Variants in CELF2 observed in about 807,000 individuals in gnomAD.
CELF2 encodes CUG triplet repeat RNA-binding protein 2.
Under a neutral mutation model 62.6 loss-of-function variants are expected in CELF2, and 8 were observed. That is an observed-to-expected ratio of 0.13 (90% CI 0.07 to 0.23). The LOEUF (loss-of-function observed/expected upper bound fraction) is 0.23, where lower values mean the gene tolerates loss of function less well. CELF2 is among the 10% of genes least tolerant of loss of function. The pLI is 1.00. For missense variants in CELF2, 333 were observed against 671.0 expected, an observed-to-expected ratio of 0.50 and a Z score of 5.56; for synonymous variants, 258 against 250.0, an observed-to-expected ratio of 1.03 and a Z score of -0.30.
chr10:11,027,391 A>G (rs1326726900), intron 1 of CELF2, among the ~76,000 whole-genome samples: 2 of 151,958 alleles, frequency 1.3e-5, no homozygotes, highest in Non-Finnish European at 2.9e-5. Flanking sequence ...AGCGCTTGGG[A>G]ATGCATTTTT....
chr10:10,837,165 G>A (rs535242001), intron 1 of CELF2, among the ~76,000 whole-genome samples: 4 of 152,276 alleles, frequency 2.6e-5, no homozygotes, highest in African/African-American at 4.8e-5. Flanking sequence ...ATTCCCACAC[G>A]TTGTGGGAGG....
At chr10:11,238,923 A>C (rs74115801) in intron 3 of CELF2, among the ~76,000 whole-genome samples, 5,924 of 152,304 alleles carry the variant, frequency 0.039, 338 homozygotes, top group East Asian at 0.24. Flanking sequence ...ATTATTTAGT[A>C]TGAAAACACA....
chr10:10,745,722 T>C, the CELF2 span, among the ~76,000 whole-genome samples: 1 of 152,204 alleles, frequency 6.6e-6, no homozygotes, highest in African/African-American at 2.4e-5. Context: ...GGGTGACCCC[T>C]CTAAAATGAC....
chr10:10,876,637 G>A (rs563509157), intron 1 of CELF2, among the ~76,000 whole-genome samples: 17 of 152,254 alleles, frequency 1.1e-4, no homozygotes, highest in African/African-American at 2.9e-4. Context: ...GATGTGCAAC[G>A]TCAAAATGCC....
At chr10:11,142,536 T>A (rs2061521828) in intron 1 of CELF2, among the ~76,000 whole-genome samples, 1 of 151,742 alleles carries the variant, frequency 6.6e-6, no homozygotes, top group Non-Finnish European at 1.5e-5. Flanking sequence ...TACAAAAAAA[T>A]TAGCATGGCA....
chr10:10,620,695 G>A, the CELF2 span, among the ~76,000 whole-genome samples: 2 of 151,804 alleles, frequency 1.3e-5, no homozygotes, highest in African/African-American at 2.4e-5. Flanking sequence ...GAGGTCAGGA[G>A]ATTGAGACTA....
At chr10:11,252,722 C>T (rs990678504) in intron 4 of CELF2, among the ~76,000 whole-genome samples, 3 of 152,122 alleles carry the variant, frequency 2.0e-5, no homozygotes, top group East Asian at 1.9e-4. Context: ...TGGAAGCTCG[C>T]GGCATCGTGT....
the CELF2 span, among the ~76,000 whole-genome samples, chr10:10,509,773 G>C: frequency 6.6e-6 from 1 of 152,180 alleles, no homozygotes; most frequent in Non-Finnish European, 1.5e-5. Context: ...TGGTGCAGTT[G>C]TGGAAAACTG....
chr10:10,547,238 A>G, the CELF2 span, among the ~76,000 whole-genome samples: 1 of 152,094 alleles, frequency 6.6e-6, no homozygotes, highest in Non-Finnish European at 1.5e-5. Flanking sequence ...ATCCATGACA[A>G]ATTCCTCACT....
chr10:11,154,195 G>T (rs1290178020), intron 1 of CELF2, among the ~76,000 whole-genome samples: 4 of 152,146 alleles, frequency 2.6e-5, no homozygotes, highest in South Asian at 2.1e-4. Context: ...TGTTTAGGGG[G>T]TTATATCTGA....
At position 11,039,945 on chromosome 10, in the gene CELF2, G is replaced by A. The variant is rs1447165269; in HGVS notation, c.74+21782G>A. Among the ~76,000 whole-genome samples, 1 of 152,136 alleles carries A rather than the reference G, an allele frequency of 6.6e-6. No homozygotes were observed. The highest frequency in any genetic ancestry group is 2.4e-5 in the African/African-American group (1 of 41,424). On this transcript the variant is annotated intron_variant, in intron 1 of 12. Coordinates refer to ENST00000633077, the MANE Select transcript of CELF2 (RefSeq NM_001326342.2). This position sits in a 1 kb window ranked among gnomAD's most constrained non-coding sequence, Gnocchi z 4.1. Reference sequence around the variant, plus strand: ...ATATTATTTACAAAAACCATCCCAAGGACTGAGAGCAAAATGTATTGATTA... The same window carrying A: ...ATATTATTTACAAAAACCATCCCAAAGACTGAGAGCAAAATGTATTGATTA...
chr10:11,275,157 T>G lies in CELF2; in HGVS notation c.841+37T>G, dbSNP rs200955782. The G allele has an allele frequency of 5.6e-6, 9 of 1,607,982 alleles. No individual in the cohort carries two copies. The African/African-American group carries it at 1.1e-4, about 19-fold the overall frequency. ...AGCACGCCTCTCCTTTTGACCGTGC[T>G]ATTGTCAGAATTTGGGGTTGGTTCC... On this transcript the variant is annotated intron_variant, in intron 8 of 12. Coordinates refer to ENST00000633077, the MANE Select transcript of CELF2 (RefSeq NM_001326342.2).
chr10:11,107,433 G>A (rs752952504), intron 1 of CELF2, among the ~76,000 whole-genome samples: 25 of 152,194 alleles, frequency 1.6e-4, no homozygotes, highest in African/African-American at 2.9e-4. Context: ...TTTGGAGTGC[G>A]GTCTGTAGAG....
Position 11,321,406 on chromosome 10 carries a change from C to G in CELF2, c.1294+20C>G. 2.5e-6 allele frequency: 4 copies of G among 1,596,400 alleles called. No individual in the cohort carries two copies. The highest frequency in any genetic ancestry group is 1.1e-5 in the South Asian group (1 of 90,790). ...AGGAAGGTAGGTGCCGCCCTTGGCC[C>G]CAGGCAGGGCCCAGCCCAACAGGCA... On this transcript the variant is annotated intron_variant, in intron 11 of 12. Transcript: ENST00000633077. The surrounding 1 kb of genome is among the most constrained non-coding windows in gnomAD (Gnocchi z 6.2).
At chr10:10,606,454 C>T in the CELF2 span, among the ~76,000 whole-genome samples, 3 of 152,164 alleles carry the variant, frequency 2.0e-5, no homozygotes, top group South Asian at 2.1e-4. Flanking sequence ...CATGGTTAGT[C>T]GAGGACTAGC....
At chr10:10,478,050 G>A in the CELF2 span, among the ~76,000 whole-genome samples, 11 of 152,236 alleles carry the variant, frequency 7.2e-5, no homozygotes, top group South Asian at 2.1e-4. Context: ...AGTTAAAAAC[G>A]TGGCCAGACA....
intron 8 of CELF2, among the ~76,000 whole-genome samples, chr10:11,284,843 G>A (rs2090638769): frequency 6.6e-6 from 1 of 150,510 alleles, no homozygotes; most frequent in Admixed American, 6.6e-5. Flanking sequence ...ATGGATGGAT[G>A]GGTGGATGAT....
At chr10:10,981,921 T>TGGTA (rs892339231) in intron 2 of CELF2, among the ~76,000 whole-genome samples, 33 of 151,336 alleles carry the variant, frequency 2.2e-4, no homozygotes, top group African/African-American at 7.8e-4. Context: ...TGTAACTGCC[T>TGGTA]GGTAGACCCT....
At chr10:11,124,303 C>T (rs145896625) in intron 1 of CELF2, among the ~76,000 whole-genome samples, 37 of 152,216 alleles carry the variant, frequency 2.4e-4, no homozygotes, top group Non-Finnish European at 4.1e-4. Context: ...TCAATGTAGT[C>T]GCTCTTATTA....
Sources: gnomAD v4.1 joint callset for allele counts (sites outside exome capture counted in the v4.1 genomes callset) on GRCh38, gnomAD v4.1.1 for gene constraint, Gnocchi (gnomAD v3.1) non-coding constraint, MANE v1.5 for transcripts, NCBI Gene and HGNC (gene_info 2026-07-23, HGNC 2026-07-21) for gene names.